Variants in TRIO observed in about 807,000 individuals in gnomAD.
The protein encoded by TRIO is triple functional domain protein.
A neutral mutation model predicts 351.9 loss-of-function variants in TRIO; 58 were observed. The ratio of observed to expected loss-of-function variants is 0.16; its 90% CI spans 0.13 to 0.21. TRIO has a LOEUF of 0.21. Among genes scored for constraint, TRIO ranks in the 10% least tolerant of loss-of-function variants. The pLI is 1.00. For synonymous variants in TRIO, 1,758 were observed against 1,595.7 expected, an observed-to-expected ratio of 1.10 and a Z score of -2.42; for missense variants, 3,201 against 4,027.8, an observed-to-expected ratio of 0.79 and a Z score of 5.56.
intron 34 of TRIO, among the ~76,000 whole-genome samples, chr5:14,445,146 A>G (rs1166183903): frequency 1.3e-5 from 2 of 152,206 alleles, no homozygotes; most frequent in Non-Finnish European, 2.9e-5. Flanking sequence ...GAGCAAGTCC[A>G]TAAACAGAGT....
intron 34 of TRIO, among the ~76,000 whole-genome samples, chr5:14,448,071 T>G (rs981901305): frequency 1.1e-4 from 16 of 152,248 alleles, no homozygotes; most frequent in African/African-American, 3.6e-4. Context: ...TCGGTATCCC[T>G]CAGTCAGCAG....
Position 14,473,911 on chromosome 5 carries a change from C to T in TRIO, c.5980-83C>T, listed in dbSNP as rs1754859102. The T allele has an allele frequency of 5.7e-6, 8 of 1,397,398 alleles. No individual in the cohort carries two copies. In the South Asian group the frequency reaches 6.6e-5, roughly 11 times the overall value. 86.6% of individuals were successfully genotyped at this position (1,397,398 alleles called of 1,614,324 possible). ...AAGACAGTGCATGTGTCCATTTTGC[C>T]CTCTGTGACTATTAATCAATAAGCC... On this transcript the variant is annotated intron_variant, in intron 39 of 56. Transcript: ENST00000344204.
intron 11 of TRIO, among the ~76,000 whole-genome samples, chr5:14,344,185 A>C (rs765649806): frequency 6.6e-6 from 1 of 152,202 alleles, no homozygotes; most frequent in African/African-American, 2.4e-5. Context: ...ACAGCCTAGA[A>C]CTGTCGACTG....
At chr5:14,198,654 C>A (rs917780835) in intron 1 of TRIO, among the ~76,000 whole-genome samples, 1 of 135,070 alleles carries the variant, frequency 7.4e-6, no homozygotes, top group Non-Finnish European at 1.6e-5. Context: ...TTGCATTAGA[C>A]TCTGACTGGG....
chr5:14,478,784 T>TAA lies in TRIO; in HGVS notation c.6154-476_6154-475insAA, dbSNP rs777440616. The stretch of plus-strand genomic sequence containing the variant: ...GGGTGAAAAAGCAGGACTCCATCCC[T>TAA]ACAAAAAAAAAAAAAAAAAAATTAA... On this transcript the variant is annotated intron_variant, in intron 41 of 56. Transcript: ENST00000344204. Among the ~76,000 whole-genome samples the TAA allele has an allele frequency of 3.1e-3, 300 of 97,052 alleles. 5 individuals carry two copies. The highest frequency in any genetic ancestry group is 0.01 in the Middle Eastern group (2 of 198). The allele number at this position is 97,052 out of a possible 152,430, so 63.7% of individuals were successfully genotyped here. A position where few individuals can be genotyped will look rare whatever the true frequency, so the allele number is the denominator to read the frequency against.
At chr5:14,277,063 G>T (rs1405132368) in intron 2 of TRIO, among the ~76,000 whole-genome samples, 1 of 152,200 alleles carries the variant, frequency 6.6e-6, no homozygotes, top group Non-Finnish European at 1.5e-5. Flanking sequence ...ATGTTGTGTG[G>T]AATATGGAAA....
Position 14,387,720 on chromosome 5 carries a change from G to A in TRIO, c.3766-12G>A. The A allele has an allele frequency of 6.2e-7, 1 of 1,614,042 alleles. No individual in the cohort carries two copies. Among genetic ancestry groups the A allele is most frequent in the Non-Finnish European group, 8.5e-7 (1 of 1,179,900 alleles). ...TTAATTAACTGAGTTCATTGGCTCT[G>A]TTATTCCACAGAGTAAAAGTCTCCA... On this transcript the variant is annotated splice_polypyrimidine_tract_variant and intron_variant, in intron 22 of 56. Transcript: ENST00000344204.
chr5:14,474,278 G>A (rs556563247), intron 40 of TRIO, among the ~76,000 whole-genome samples, 181 bp downstream of exon 40: 4 of 152,276 alleles, frequency 2.6e-5, no homozygotes, highest in East Asian at 1.9e-4. Flanking sequence ...TTGGTGGCAC[G>A]GAGAGAGTCT....
chr5:14,389,932 A>G (rs1010049913), intron 25 of TRIO, among the ~76,000 whole-genome samples: 1 of 152,258 alleles, frequency 6.6e-6, no homozygotes, highest in African/African-American at 2.4e-5. Context: ...GCAAGAGCGC[A>G]GTCCCCTCAC....
chr5:14,215,881 T>C (rs1206377297), intron 1 of TRIO, among the ~76,000 whole-genome samples: 1 of 152,172 alleles, frequency 6.6e-6, no homozygotes, highest in African/African-American at 2.4e-5. Context: ...TTTATGTTGA[T>C]TTGGTTATTT....
At chr5:14,403,470 TTGTGGTGAGGGTGCA>T (rs1748355198) in intron 31 of TRIO, among the ~76,000 whole-genome samples, 2 of 101,384 alleles carry the variant, frequency 2.0e-5, no homozygotes, top group Non-Finnish European at 4.0e-5. Flanking sequence ...AGGGTGCAGG[TTGTGGTGAGGGTGCA>T]GGTGGTGGTG....
In TRIO at chr5:14,394,147, T is replaced by C. The variant is rs778362397; in HGVS notation, c.4311+17T>C. ...CTTTTAAAAGTATGTATAATGCGTC[T>C]TCAGCCTGTGAAATTTTATGAATTA... On this transcript the variant is annotated intron_variant, in intron 28 of 56. Coordinates refer to ENST00000344204, the MANE Select transcript of TRIO (RefSeq NM_007118.4). 2 of 1,496,204 alleles carry C rather than the reference T, an allele frequency of 1.3e-6. No homozygotes were observed. The highest frequency in any genetic ancestry group is 1.4e-5 in the African/African-American group (1 of 71,900). The allele number at this position is 1,496,204 out of a possible 1,614,324, so 92.7% of individuals were successfully genotyped here. A position where few individuals can be genotyped will look rare whatever the true frequency, so the allele number is the denominator to read the frequency against.
chr5:14,481,168 A>G, intron 43 of TRIO, 66 bp from the exon 44 acceptor site: 1 of 1,555,566 alleles, frequency 6.4e-7, no homozygotes, highest in Admixed American at 1.9e-5. Flanking sequence ...TCTTAAAAAA[A>G]AAAATAAAAG....
intron 16 of TRIO, among the ~76,000 whole-genome samples, chr5:14,367,899 A>G (rs1744742113): frequency 6.6e-6 from 1 of 152,232 alleles, no homozygotes; most frequent in African/African-American, 2.4e-5. Context: ...ATTGCAGGTA[A>G]TAAATCACTG....
intron 35 of TRIO, among the ~76,000 whole-genome samples, chr5:14,462,491 C>T (rs1164612306): frequency 1.3e-5 from 2 of 152,218 alleles, no homozygotes; most frequent in Non-Finnish European, 1.5e-5. Flanking sequence ...CAAAGATGAG[C>T]TGTGTTCAGA....
chr5:14,324,434 G>C (rs576111434), intron 9 of TRIO, among the ~76,000 whole-genome samples: 80 of 152,312 alleles, frequency 5.3e-4, no homozygotes, highest in African/African-American at 1.8e-3. Context: ...GTTGACAGAT[G>C]ATTATCTATT....
At chr5:14,210,782 T>G (rs1791841314) in intron 1 of TRIO, among the ~76,000 whole-genome samples, 1 of 152,214 alleles carries the variant, frequency 6.6e-6, no homozygotes, top group Non-Finnish European at 1.5e-5. Context: ...TGTCCAGTAG[T>G]TCTACGTACA....
chr5:14,167,988 T>C (rs928724498), intron 1 of TRIO, among the ~76,000 whole-genome samples: 4 of 152,224 alleles, frequency 2.6e-5, no homozygotes, highest in African/African-American at 9.6e-5. Flanking sequence ...ATTTAAGCCA[T>C]AGCAAATCAG....
chr5:14,348,910 T>C (rs1742723713), intron 11 of TRIO, among the ~76,000 whole-genome samples: 1 of 151,888 alleles, frequency 6.6e-6, no homozygotes, highest in African/African-American at 2.4e-5. Context: ...TGTTTGTGTG[T>C]GTACGCACGT....
Sources: allele counts gnomAD v4.1 joint callset (sites outside exome capture counted in the v4.1 genomes callset), GRCh38; gene constraint gnomAD v4.1.1; transcripts MANE v1.5; gene names NCBI Gene and HGNC (gene_info 2026-07-23, HGNC 2026-07-21).